The following GRM5 variants were observed in gnomAD, a reference collection of about 807,000 sequenced individuals.
GRM5 encodes the protein metabotropic glutamate receptor 5.
Under a neutral mutation model 83.1 loss-of-function variants are expected in GRM5, and 19 were observed. That is an observed-to-expected ratio of 0.23 (90% confidence interval 0.16 to 0.34). The LOEUF is 0.34. Ranked by LOEUF, GRM5 falls within the 10% of genes least tolerant of loss-of-function variation. GRM5 has a pLI of 1.00. For missense variants in GRM5, 1,160 were observed against 1,588.3 expected (o/e 0.73, Z 4.58); for synonymous variants, 675 against 633.6 (o/e 1.07, Z -0.98).
chr11:88,720,535 T>TGAA (rs60616494), intron 3 of GRM5, among the ~76,000 whole-genome samples: 22,526 of 152,006 alleles, frequency 0.15, 1,823 homozygotes, highest in Middle Eastern at 0.2. Flanking sequence ...AATAAGGCTA[T>TGAA]GAAGTTTCAC....
rs116896907 is a variant in GRM5, at chr11:88,883,146, G to A, written c.662-32991C>T. 5.9e-4 allele frequency among the ~76,000 whole-genome samples: 90 copies of A among 152,302 alleles called. 1 individual carries two copies. The East Asian group carries it at 0.016, about 27-fold the overall frequency. On this transcript the variant is annotated intron_variant, in intron 2 of 9. Transcript: ENST00000305447. ...TACAGTAAACTGGTACTGGTTGAGTGAGGTACTTCTGTAAAGATACCCCAA... is the reference window on the plus strand; with the variant it reads ...TACAGTAAACTGGTACTGGTTGAGTAAGGTACTTCTGTAAAGATACCCCAA...
At chr11:88,597,595 A>G (rs546939243) in intron 5 of GRM5, among the ~76,000 whole-genome samples, 2 of 152,192 alleles carry the variant, frequency 1.3e-5, no homozygotes, top group African/African-American at 4.8e-5. Context: ...AGGTGACTTG[A>G]CCCCAGCAGG....
chr11:88,649,285 G>T (rs867073776), intron 4 of GRM5, among the ~76,000 whole-genome samples: 1 of 51,348 alleles, frequency 1.9e-5, no homozygotes, highest in Non-Finnish European at 8.4e-5. Context: ...TTATATATAT[G>T]TAATACATAT....
intron 8 of GRM5, among the ~76,000 whole-genome samples, chr11:88,528,110 CA>C (rs371506255): frequency 3.6e-5 from 1 of 27,714 alleles, no homozygotes; most frequent in Non-Finnish European, 1.2e-4. Context: ...AGAAACAAAA[CA>C]AAAAACAAAA....
At chr11:88,536,904 C>A (rs1026096317) in intron 8 of GRM5, among the ~76,000 whole-genome samples, 3 of 152,068 alleles carry the variant, frequency 2.0e-5, no homozygotes, top group Admixed American at 1.3e-4. Flanking sequence ...TATAGAAAAA[C>A]TTTCCCTATA....
At chr11:88,521,930 C>A (rs1361763552) in intron 9 of GRM5, among the ~76,000 whole-genome samples, 1 of 152,212 alleles carries the variant, frequency 6.6e-6, no homozygotes, top group African/African-American at 2.4e-5. Context: ...GAAATGCTTT[C>A]TTTCCCCACC....
At chr11:88,872,706 C>T (rs1441675275) in intron 2 of GRM5, among the ~76,000 whole-genome samples, 1 of 151,212 alleles carries the variant, frequency 6.6e-6, no homozygotes, top group East Asian at 1.9e-4. Flanking sequence ...AGGGAAAACA[C>T]AGCAATTGTG....
At chr11:88,826,230 C>T (rs1453094427) in intron 3 of GRM5, among the ~76,000 whole-genome samples, 1 of 152,148 alleles carries the variant, frequency 6.6e-6, no homozygotes, top group African/African-American at 2.4e-5. Flanking sequence ...CCATAAATTA[C>T]TGTCATCTAA....
chr11:89,058,117 A>G (rs189301114), intron 1 of GRM5, among the ~76,000 whole-genome samples: 128 of 152,334 alleles, frequency 8.4e-4, no homozygotes, highest in South Asian at 3.7e-3. Context: ...TTCAAACCTC[A>G]TGCATTGATT....
At chr11:88,563,455 C>G (rs191430268) in intron 8 of GRM5, among the ~76,000 whole-genome samples, 1 of 152,234 alleles carries the variant, frequency 6.6e-6, no homozygotes, top group Non-Finnish European at 1.5e-5. Flanking sequence ...GATAGAGAGC[C>G]CTTACCATCT....
At chr11:88,598,146 A>G (rs1348215846) in intron 5 of GRM5, among the ~76,000 whole-genome samples, 1 of 152,142 alleles carries the variant, frequency 6.6e-6, no homozygotes, top group Non-Finnish European at 1.5e-5. Context: ...TGTCTCAGGT[A>G]CACACTGTGT....
At chr11:88,957,907 G>A (rs1938671734) in intron 2 of GRM5, among the ~76,000 whole-genome samples, 1 of 152,086 alleles carries the variant, frequency 6.6e-6, no homozygotes, top group Non-Finnish European at 1.5e-5. Flanking sequence ...ACTGTGCATA[G>A]TGTTCTAATT....
At chr11:89,056,458 ATACTT>A (rs1941877459) in intron 1 of GRM5, among the ~76,000 whole-genome samples, 1 of 152,178 alleles carries the variant, frequency 6.6e-6, no homozygotes, top group Non-Finnish European at 1.5e-5. Flanking sequence ...AAATACCACA[ATACTT>A]TATTTTCAGC....
chr11:88,794,260 A>G (rs1326670316), intron 3 of GRM5, among the ~76,000 whole-genome samples: 1 of 152,126 alleles, frequency 6.6e-6, no homozygotes, highest in Non-Finnish European at 1.5e-5. Flanking sequence ...ACCTGCCTCT[A>G]ATGTTACCCC....
At chr11:88,620,208 T>C (rs376792604) in intron 4 of GRM5, among the ~76,000 whole-genome samples, 250 of 152,366 alleles carry the variant, frequency 1.6e-3, no homozygotes, top group African/African-American at 5.7e-3. Flanking sequence ...AGGAACTCCC[T>C]GAAGGCTAAC....
chr11:88,570,014 G>T (rs1310477573), intron 7 of GRM5, among the ~76,000 whole-genome samples: 2 of 152,034 alleles, frequency 1.3e-5, no homozygotes, highest in African/African-American at 4.8e-5. Flanking sequence ...GAAAGGGAAG[G>T]GAAGAAGGGA....
intron 3 of GRM5, among the ~76,000 whole-genome samples, chr11:88,766,339 G>A (rs1376905423): frequency 6.6e-6 from 1 of 151,948 alleles, no homozygotes; most frequent in Non-Finnish European, 1.5e-5. Flanking sequence ...AAATGGCACG[G>A]TACTGGTACA....
intron 2 of GRM5, among the ~76,000 whole-genome samples, chr11:88,922,854 T>C (rs1277798389): frequency 2.0e-5 from 3 of 152,072 alleles, no homozygotes; most frequent in Non-Finnish European, 2.9e-5. Context: ...AACCAGAATA[T>C]ATAAGAAGCT....
intron 3 of GRM5, among the ~76,000 whole-genome samples, chr11:88,703,971 C>T (rs1941094928): frequency 6.6e-6 from 1 of 151,966 alleles, no homozygotes; most frequent in African/African-American, 2.4e-5. Flanking sequence ...TCTCATAGTA[C>T]TGGAGGCTAG....
Sources: allele counts gnomAD v4.1 joint callset (sites outside exome capture counted in the v4.1 genomes callset), GRCh38; gene constraint gnomAD v4.1.1; transcripts MANE v1.5; gene names NCBI Gene and HGNC (gene_info 2026-07-23, HGNC 2026-07-21).